The following AGO2 variants were observed in gnomAD, a reference collection of about 807,000 sequenced individuals.
AGO2 encodes protein argonaute-2.
AGO2 carries 5 observed loss-of-function variants against 102.3 expected under a neutral mutation model. The ratio of observed to expected loss-of-function variants is 0.05; its 90% CI spans 0.03 to 0.10. The LOEUF (loss-of-function observed/expected upper bound fraction) is 0.10, where lower values mean the gene tolerates loss of function less well. AGO2 is among the 10% of genes least tolerant of loss of function. The pLI is 1.00. For synonymous variants in AGO2, 449 were observed against 473.1 expected (o/e 0.95, Z 0.66); for missense variants, 541 against 1,183.7 (o/e 0.46, Z 7.97).
At chr8:140,640,962 T>C in the AGO2 span, among the ~76,000 whole-genome samples, 1 of 152,198 alleles carries the variant, frequency 6.6e-6, no homozygotes, top group Non-Finnish European at 1.5e-5. Flanking sequence ...ATGTGGTGTA[T>C]CCAGCTTGTA....
intron 10 of AGO2, among the ~76,000 whole-genome samples, chr8:140,552,788 T>C (rs532207314): frequency 2.6e-5 from 4 of 151,592 alleles, no homozygotes; most frequent in South Asian, 2.1e-4. Context: ...ACTATACAGG[T>C]GCTTCTCAAC....
At chr8:140,614,988 C>A (rs145713454) in intron 1 of AGO2, among the ~76,000 whole-genome samples, 197 of 152,360 alleles carry the variant, frequency 1.3e-3, no homozygotes, top group Middle Eastern at 6.8e-3. Flanking sequence ...CCACTCCCTG[C>A]CAACACCACC....
intron 7 of AGO2, among the ~76,000 whole-genome samples, chr8:140,558,151 G>A (rs1001349191): frequency 2.6e-5 from 4 of 152,184 alleles, no homozygotes; most frequent in African/African-American, 4.8e-5. Context: ...GGAAGGGGGC[G>A]TGGGTCAGGG....
At chr8:140,560,098 G>A (rs1403332468) in intron 5 of AGO2, among the ~76,000 whole-genome samples, 2 of 152,212 alleles carry the variant, frequency 1.3e-5, no homozygotes, top group African/African-American at 4.8e-5. Flanking sequence ...CCTACAGGAG[G>A]CCAGCAGCAA....
intron 1 of AGO2, among the ~76,000 whole-genome samples, chr8:140,594,398 CT>C (rs1342125855): frequency 3.3e-5 from 5 of 151,986 alleles, no homozygotes; most frequent in African/African-American, 9.7e-5. Flanking sequence ...ATTTAATAAC[CT>C]TTTATAGTTT....
chr8:140,597,915 C>A (rs2073872107), intron 1 of AGO2, among the ~76,000 whole-genome samples: 1 of 152,230 alleles, frequency 6.6e-6, no homozygotes, highest in Non-Finnish European at 1.5e-5. Context: ...CCTGGGAGGA[C>A]CAAGAGATGA....
chr8:140,603,649 C>CT (rs1422936697), intron 1 of AGO2, among the ~76,000 whole-genome samples: 3 of 152,246 alleles, frequency 2.0e-5, no homozygotes, highest in Non-Finnish European at 4.4e-5. Context: ...CCTGGCCCCC[C>CT]TCATGTGGCA....
At chr8:140,562,928 C>T (rs766795818) in intron 3 of AGO2, among the ~76,000 whole-genome samples, 4 of 152,198 alleles carry the variant, frequency 2.6e-5, no homozygotes, top group Non-Finnish European at 5.9e-5. Context: ...AAACAATGAA[C>T]TCACTACCTC....
chr8:140,532,808 A>G, intron 17 of AGO2, 193 bp from the exon 18 acceptor site: 1 of 553,618 alleles, frequency 1.8e-6, no homozygotes, highest in South Asian at 2.1e-5. Flanking sequence ...CAGCCTGGCC[A>G]ACATAGTGAA....
rs1446610109 is a variant in AGO2 at position 140,535,585 on chromosome 8, C to A, written c.2170-16G>T. The A allele has an allele frequency of 6.2e-7, 1 of 1,613,682 alleles. No individual in the cohort carries two copies. The highest frequency in any genetic ancestry group is 1.1e-5 in the South Asian group (1 of 91,076). On this transcript the variant is annotated splice_polypyrimidine_tract_variant and intron_variant, in intron 16 of 18. Coordinates refer to ENST00000220592, the MANE Select transcript of AGO2 (RefSeq NM_012154.5). ...TTTTCCCAACCTTCGGCAACACAGGCATCTCGTTAGACACGGCCAGGGACC... is the reference window on the plus strand; with the variant it reads ...TTTTCCCAACCTTCGGCAACACAGGAATCTCGTTAGACACGGCCAGGGACC...
chr8:140,585,052 T>G (rs2073631094), intron 2 of AGO2, 67 bp downstream of exon 2: 2 of 1,413,866 alleles, frequency 1.4e-6, no homozygotes, highest in Non-Finnish European at 1.9e-6. Flanking sequence ...TCAGAGTTGA[T>G]TAGTTTAAAT....
chr8:140,532,650 G>A (rs945564935), intron 17 of AGO2, 35 bp from the exon 18 acceptor site: 26 of 1,591,108 alleles, frequency 1.6e-5, no homozygotes, highest in African/African-American at 1.1e-4. Context: ...AGTTGGACTC[G>A]CATAAAATCT....
chr8:140,617,540 A>T (rs994845500), intron 1 of AGO2, among the ~76,000 whole-genome samples: 6 of 152,198 alleles, frequency 3.9e-5, no homozygotes, highest in African/African-American at 9.6e-5. Flanking sequence ...GACGTAAGCC[A>T]CTGCGCCTGG....
Position 140,520,173 on chromosome 8 carries a change from T to C in AGO2, c.*11871A>G, listed in dbSNP as rs2072392273. On this transcript the variant is annotated 3_prime_UTR_variant, in exon 19 of 19. Coordinates refer to ENST00000220592, the MANE Select transcript of AGO2 (RefSeq NM_012154.5). ...GAGGCAGCTGTAAATAGGAGGACTTTTATTTAATTTTTTGCTGACATACTA... is the reference window on the plus strand; with the variant it reads ...GAGGCAGCTGTAAATAGGAGGACTTCTATTTAATTTTTTGCTGACATACTA... 1 of 152,208 alleles carries C rather than the reference T, an allele frequency of 6.6e-6. No homozygotes were observed. The highest frequency in any genetic ancestry group is 2.4e-5 in the African/African-American group (1 of 41,448). The allele number at this position is 152,208 out of a possible 1,614,324, so 9.4% of individuals were successfully genotyped here.
intron 1 of AGO2, among the ~76,000 whole-genome samples, chr8:140,599,767 G>C (rs1261843109): frequency 6.6e-6 from 1 of 152,066 alleles, no homozygotes; most frequent in African/African-American, 2.4e-5. Context: ...CTGTCCCCAG[G>C]CTAGAGTACA....
At chr8:140,584,033 T>A (rs1251661077) in intron 2 of AGO2, among the ~76,000 whole-genome samples, 2 of 151,662 alleles carry the variant, frequency 1.3e-5, no homozygotes, top group African/African-American at 4.8e-5. Context: ...TGTATCTCTA[T>A]CCTATTGGTT....
At chr8:140,637,015 C>CT (rs972662534), upstream of AGO2, 45 of 152,364 alleles carry the variant, frequency 3.0e-4, no homozygotes, top group Middle Eastern at 3.4e-3. Context: ...GGTGCTTACT[C>CT]TAAGTGTCAG....
rs1423275910 is a variant in AGO2, at chr8:140,540,518, G to GGT, written c.2034+645_2034+646insAC. 1.3e-5 allele frequency among the ~76,000 whole-genome samples: 2 copies of GGT among 152,180 alleles called. No individual in the cohort carries two copies. The highest frequency in any genetic ancestry group is 2.4e-5 in the African/African-American group (1 of 41,442). ...CATCGCCCGGGTTCCAGGCCAAGAT[G>GGT]GACTCATTCCTGCCCACAGGTCACC... On this transcript the variant is annotated intron_variant, in intron 15 of 18. Coordinates refer to ENST00000220592, the MANE Select transcript of AGO2 (RefSeq NM_012154.5). This position sits in a 1 kb window ranked among gnomAD's most constrained non-coding sequence, Gnocchi z 5.0.
chr8:140,584,800 G>A (rs1158626358), intron 2 of AGO2, among the ~76,000 whole-genome samples: 4 of 152,084 alleles, frequency 2.6e-5, no homozygotes, highest in South Asian at 2.1e-4. Flanking sequence ...GGGGGTAACC[G>A]GAAGAGGGTA....
Sources: gnomAD v4.1 joint callset for allele counts (sites outside exome capture counted in the v4.1 genomes callset) on GRCh38, gnomAD v4.1.1 for gene constraint, Gnocchi (gnomAD v3.1) non-coding constraint, MANE v1.5 for transcripts, NCBI Gene and HGNC (gene_info 2026-07-23, HGNC 2026-07-21) for gene names.